The following DCC variants were observed in gnomAD, a reference collection of about 807,000 sequenced individuals.
DCC encodes netrin receptor DCC.
DCC carries 58 observed loss-of-function variants against 172.5 expected under a neutral mutation model. The ratio of observed to expected loss-of-function variants is 0.34; its 90% CI spans 0.27 to 0.42. The LOEUF (loss-of-function observed/expected upper bound fraction) is 0.42. Ranked by LOEUF, DCC falls within the 10% of genes least tolerant of loss-of-function variation. The pLI is 1.00. For synonymous variants in DCC, 709 were observed against 644.5 expected (o/e 1.10, Z -1.52); for missense variants, 1,740 against 1,791.0 (o/e 0.97, Z 0.51).
intron 26 of DCC, 98 bp downstream of exon 26, chr18:53,487,056 T>C: frequency 6.7e-7 from 1 of 1,488,354 alleles, no homozygotes; most frequent in Non-Finnish European, 9.2e-7. Context: ...TTAGAAAAGT[T>C]GATTTCCCTA....
chr18:52,692,641 A>C (rs1388537214), intron 1 of DCC, among the ~76,000 whole-genome samples: 3 of 152,018 alleles, frequency 2.0e-5, no homozygotes, highest in Admixed American at 6.6e-5. Flanking sequence ...TATATTGACC[A>C]CGCTGGTCTT....
At chr18:53,118,349 C>T (rs1288238616) in intron 7 of DCC, among the ~76,000 whole-genome samples, 1 of 151,658 alleles carries the variant, frequency 6.6e-6, no homozygotes, top group African/African-American at 2.4e-5. Context: ...CATAGTGTTT[C>T]GTATATAAAG....
chr18:52,979,836 G>T (rs2041177650), intron 5 of DCC, among the ~76,000 whole-genome samples: 1 of 152,162 alleles, frequency 6.6e-6, no homozygotes, highest in Non-Finnish European at 1.5e-5. Flanking sequence ...AAAGAACTTT[G>T]GAGGGAAGAT....
intron 5 of DCC, among the ~76,000 whole-genome samples, chr18:52,981,501 G>C (rs1451803399): frequency 6.6e-6 from 1 of 151,538 alleles, no homozygotes; most frequent in Non-Finnish European, 1.5e-5. Flanking sequence ...TGGCAGGCCT[G>C]TTTTCTTTTC....
Position 52,523,278 on chromosome 18 carries a change from G to A in DCC, c.91+182400G>A, listed in dbSNP as rs549576309. On this transcript the variant is annotated intron_variant, in intron 1 of 28. Transcript: ENST00000442544. Reference sequence around the variant, plus strand: ...TTTCCCATCAGACATTTTGATTCTGGCACCCTAGGAGTGGGCCAGGATGAT... The same window carrying A: ...TTTCCCATCAGACATTTTGATTCTGACACCCTAGGAGTGGGCCAGGATGAT... 1.7e-4 allele frequency among the ~76,000 whole-genome samples: 26 copies of A among 152,206 alleles called. No individual in the cohort carries two copies. In the South Asian group the frequency reaches 5.4e-3, roughly 32 times the overall value.
chr18:52,464,114 T>C (rs1015510419), intron 1 of DCC, among the ~76,000 whole-genome samples: 1 of 152,344 alleles, frequency 6.6e-6, no homozygotes, highest in East Asian at 1.9e-4. Context: ...TATCAGTCTA[T>C]TGAGTGCAAG....
chr18:52,683,567 C>T (rs2035783265), intron 1 of DCC, among the ~76,000 whole-genome samples: 1 of 152,026 alleles, frequency 6.6e-6, no homozygotes, highest in Non-Finnish European at 1.5e-5. Flanking sequence ...AAACCATGGC[C>T]TATTACCAAA....
intron 27 of DCC, among the ~76,000 whole-genome samples, chr18:53,504,678 G>A (rs553703392): frequency 7.2e-5 from 11 of 152,138 alleles, no homozygotes; most frequent in Non-Finnish European, 1.5e-4. Flanking sequence ...CCTACTTGGT[G>A]GCTTAATAAA....
intron 13 of DCC, among the ~76,000 whole-genome samples, chr18:53,314,553 T>C (rs186447608): frequency 1.4e-3 from 211 of 152,284 alleles, no homozygotes; most frequent in South Asian, 0.013. Context: ...TATTCCTGCT[T>C]TATTTACAGG....
chr18:52,811,226 G>T (rs1481271447), intron 2 of DCC, among the ~76,000 whole-genome samples: 1 of 152,124 alleles, frequency 6.6e-6, no homozygotes, highest in East Asian at 1.9e-4. Context: ...TCTTTCACAG[G>T]TTTTATGAAT....
intron 1 of DCC, among the ~76,000 whole-genome samples, chr18:52,362,694 T>C (rs1033118780): frequency 6.6e-6 from 1 of 152,124 alleles, no homozygotes; most frequent in African/African-American, 2.4e-5. Flanking sequence ...GAATATTAAA[T>C]ATTGAAGAAG....
chr18:53,421,700 G>A (rs772659354), intron 21 of DCC, among the ~76,000 whole-genome samples: 2 of 152,154 alleles, frequency 1.3e-5, no homozygotes, highest in Non-Finnish European at 2.9e-5. Context: ...GTAATGTTGG[G>A]CAGGTGACTT....
chr18:53,019,332 C>T (rs1416232135), intron 5 of DCC, among the ~76,000 whole-genome samples: 1 of 152,104 alleles, frequency 6.6e-6, no homozygotes, highest in Admixed American at 6.5e-5. Flanking sequence ...TTACAGAAGA[C>T]ATTGGAACTA....
intron 2 of DCC, among the ~76,000 whole-genome samples, chr18:52,775,665 C>A (rs1342597902): frequency 6.6e-6 from 1 of 152,196 alleles, no homozygotes; most frequent in South Asian, 2.1e-4. Flanking sequence ...AGTTGGTGTG[C>A]TCTTCTGCCA....
intron 5 of DCC, among the ~76,000 whole-genome samples, chr18:53,044,487 T>G (rs1176398500): frequency 6.6e-6 from 1 of 151,798 alleles, no homozygotes; most frequent in Non-Finnish European, 1.5e-5. Flanking sequence ...TACCCTTAAC[T>G]TTTTAGTACA....
chr18:52,391,536 T>C (rs1199070596), intron 1 of DCC, among the ~76,000 whole-genome samples: 1 of 152,248 alleles, frequency 6.6e-6, no homozygotes, highest in Non-Finnish European at 1.5e-5. Context: ...CTTTTCTTTC[T>C]GAGATGAAGA....
At chr18:52,542,088 TTAAAA>T in intron 1 of DCC, among the ~76,000 whole-genome samples, 1 of 150,052 alleles carries the variant, frequency 6.7e-6, no homozygotes, top group South Asian at 2.1e-4. Flanking sequence ...ACCTTTATAC[TTAAAA>T]TAAATCTATA....
At chr18:53,340,664 T>C (rs1041201442) in intron 15 of DCC, among the ~76,000 whole-genome samples, 1 of 152,216 alleles carries the variant, frequency 6.6e-6, no homozygotes, top group African/African-American at 2.4e-5. Context: ...CCCATAGTGC[T>C]GTAGGAGTTT....
intron 5 of DCC, among the ~76,000 whole-genome samples, chr18:52,982,183 G>A (rs1409130081): frequency 6.6e-6 from 1 of 152,136 alleles, no homozygotes; most frequent in African/African-American, 2.4e-5. Context: ...AGGGAGGATA[G>A]AGGGGCAGGA....
Sources: gnomAD v4.1 joint callset for allele counts (sites outside exome capture counted in the v4.1 genomes callset) on GRCh38, gnomAD v4.1.1 for gene constraint, MANE v1.5 for transcripts, NCBI Gene and HGNC (gene_info 2026-07-23, HGNC 2026-07-21) for gene names.